The following PRKN variants were observed in gnomAD, a reference collection of about 807,000 sequenced individuals.
The protein encoded by PRKN is E3 ubiquitin-protein ligase parkin.
In PRKN, 56 loss-of-function variants were observed where a neutral mutation model predicts 59.5. That is an observed-to-expected ratio of 0.94 (90% CI 0.76 to 1.18). PRKN has a LOEUF of 1.18. Ranked by LOEUF, PRKN falls within the 50% of genes most tolerant of loss-of-function variation. PRKN has a pLI of 0.00. For missense variants in PRKN, 657 were observed against 596.4 expected, an observed-to-expected ratio of 1.10 and a Z score of -1.06; for synonymous variants, 250 against 222.1, an observed-to-expected ratio of 1.13 and a Z score of -1.12.
chr6:161,816,978 G>A (rs965463418), intron 6 of PRKN, among the ~76,000 whole-genome samples: 2 of 151,996 alleles, frequency 1.3e-5, no homozygotes, highest in Non-Finnish European at 2.9e-5. Context: ...CCTGGCTTTG[G>A]GCTTTCATTA....
chr6:161,568,898 C>T (rs758089636), intron 8 of PRKN, among the ~76,000 whole-genome samples: 10 of 151,820 alleles, frequency 6.6e-5, no homozygotes, highest in East Asian at 3.9e-4. Flanking sequence ...TTTGTATAGA[C>T]GTCACATGTT....
At chr6:162,183,392 C>A (rs550224069) in intron 4 of PRKN, among the ~76,000 whole-genome samples, 1 of 152,296 alleles carries the variant, frequency 6.6e-6, no homozygotes, top group Admixed American at 6.5e-5. Flanking sequence ...CTGCCATCAT[C>A]ATCTTCTGGT....
At chr6:161,681,718 C>T (rs1265863055) in intron 7 of PRKN, among the ~76,000 whole-genome samples, 1 of 152,198 alleles carries the variant, frequency 6.6e-6, no homozygotes, top group Admixed American at 6.5e-5. Context: ...CTGTGTCAGA[C>T]AGTGCATGGC....
At chr6:161,536,337 G>C (rs952210960) in intron 9 of PRKN, among the ~76,000 whole-genome samples, 4 of 152,002 alleles carry the variant, frequency 2.6e-5, no homozygotes, top group Non-Finnish European at 5.9e-5. Flanking sequence ...TAAGGGTCAA[G>C]GGATTAGCAA....
chr6:162,344,332 CTTTTA>C (rs57785031), intron 2 of PRKN, among the ~76,000 whole-genome samples: 42,867 of 151,856 alleles, frequency 0.28, 6,387 homozygotes, highest in Non-Finnish European at 0.31. Context: ...TTTTACCTTC[CTTTTA>C]TAAGTCAATT....
At chr6:161,365,261 G>T (rs1396660105) in intron 10 of PRKN, among the ~76,000 whole-genome samples, 3 of 152,182 alleles carry the variant, frequency 2.0e-5, no homozygotes, top group African/African-American at 7.2e-5. Flanking sequence ...AACCCGTGTG[G>T]ACAGATTATC....
chr6:162,725,700 C>T (rs561161073), intron 1 of PRKN, among the ~76,000 whole-genome samples: 1 of 150,986 alleles, frequency 6.6e-6, no homozygotes, highest in Non-Finnish European at 1.5e-5. Flanking sequence ...GAGTTGGAGG[C>T]TGCAGTGAGC....
intron 4 of PRKN, among the ~76,000 whole-genome samples, chr6:162,113,414 C>T (rs1780526857): frequency 6.6e-6 from 1 of 152,112 alleles, no homozygotes; most frequent in African/African-American, 2.4e-5. Context: ...TTTATTAGAA[C>T]TTATGCTATT....
rs539393808 is a variant in PRKN at position 161,545,080 on chromosome 6, C to T, written c.1083+3774G>A. The T allele has an allele frequency of 5.4e-5, 57 of 1,048,320 alleles. No homozygotes were observed. The highest frequency in any genetic ancestry group is 8.0e-4 in the Middle Eastern group (2 of 2,506). The allele number at this position is 1,048,320 out of a possible 1,614,324, so 64.9% of individuals were successfully genotyped here. ...AGCTCAACACATGGGTGTCTAGCTC[C>T]GAACAATTTTAAATCCCACAAATGA... On this transcript the variant is annotated intron_variant, in intron 9 of 11. Transcript: ENST00000366898. The surrounding 1 kb of genome is among the most constrained non-coding windows in gnomAD (Gnocchi z 4.1).
chr6:161,634,610 C>G (rs1783444603), intron 7 of PRKN, among the ~76,000 whole-genome samples: 1 of 152,154 alleles, frequency 6.6e-6, no homozygotes, highest in South Asian at 2.1e-4. Context: ...TGGGGATCAC[C>G]TGGACACGAG....
In PRKN at chr6:161,356,256, C is replaced by G. The variant is rs1045204814; in HGVS notation, c.1285+3832G>C. 6.6e-6 allele frequency among the ~76,000 whole-genome samples: 1 copy of G among 152,164 alleles called. No individual in the cohort carries two copies. The highest frequency in any genetic ancestry group is 6.5e-5 in the Admixed American group (1 of 15,280). On this transcript the variant is annotated intron_variant, in intron 11 of 11. Coordinates refer to ENST00000366898, the MANE Select transcript of PRKN (RefSeq NM_004562.3). The surrounding 1 kb of genome is among the most constrained non-coding windows in gnomAD (Gnocchi z 7.8). Reference sequence around the variant, plus strand: ...GGATGGTGTTGACAGTGCCCCCCAACAGGAGGGCAGGGGTCTTTGGCAGGG... The same window carrying G: ...GGATGGTGTTGACAGTGCCCCCCAAGAGGAGGGCAGGGGTCTTTGGCAGGG...
chr6:162,115,636 C>T (rs1304677520), intron 4 of PRKN, among the ~76,000 whole-genome samples: 4 of 151,314 alleles, frequency 2.6e-5, no homozygotes, highest in South Asian at 2.1e-4. Flanking sequence ...GGAAAGCAAG[C>T]GGTGTTTGTC....
chr6:162,280,684 G>C (rs138007829), intron 2 of PRKN, among the ~76,000 whole-genome samples: 1 of 151,330 alleles, frequency 6.6e-6, no homozygotes, highest in Non-Finnish European at 1.5e-5. Flanking sequence ...CCAGCTACTC[G>C]GGAGGCTGAG....
chr6:162,575,089 T>C (rs1275559802), intron 1 of PRKN, among the ~76,000 whole-genome samples: 3 of 152,212 alleles, frequency 2.0e-5, no homozygotes, highest in South Asian at 2.1e-4. Flanking sequence ...TTCTTGGTAA[T>C]GGCTACTAGG....
intron 6 of PRKN, among the ~76,000 whole-genome samples, chr6:161,792,571 C>T (rs1004231873): frequency 5.9e-5 from 9 of 152,192 alleles, no homozygotes; most frequent in Non-Finnish European, 1.2e-4. Flanking sequence ...AAAAATATTA[C>T]GTGCAAAATC....
At chr6:161,757,915 A>G (rs1468188698) in intron 7 of PRKN, among the ~76,000 whole-genome samples, 3 of 139,608 alleles carry the variant, frequency 2.1e-5, no homozygotes, top group African/African-American at 8.2e-5. Flanking sequence ...ACACACACAC[A>G]CACACATCTC....
Position 161,395,910 on chromosome 6 carries a change from C to T in PRKN, c.1084-9033G>A, listed in dbSNP as rs1048736282. On this transcript the variant is annotated intron_variant, in intron 9 of 11. Transcript: ENST00000366898. This position sits in a 1 kb window ranked among gnomAD's most constrained non-coding sequence, Gnocchi z 5.0. The stretch of plus-strand genomic sequence containing the variant: ...GGACTTGTAATGAATTTAAGCTCAG[C>T]GGCTTTAAACACAGACAGCCAACAA... 6.6e-6 allele frequency among the ~76,000 whole-genome samples: 1 copy of T among 152,146 alleles called. No individual in the cohort carries two copies. The highest frequency in any genetic ancestry group is 1.5e-5 in the Non-Finnish European group (1 of 68,016).
intron 7 of PRKN, among the ~76,000 whole-genome samples, chr6:161,777,669 G>A (rs1789985642): frequency 1.7e-5 from 2 of 116,984 alleles, no homozygotes; most frequent in South Asian, 6.2e-4. Context: ...TTATATATAT[G>A]AGAATATATA....
At chr6:161,668,837 A>G (rs989964428) in intron 7 of PRKN, among the ~76,000 whole-genome samples, 1 of 152,202 alleles carries the variant, frequency 6.6e-6, no homozygotes, top group African/African-American at 2.4e-5. Context: ...CCAGCTGTCT[A>G]TCTCACCCAC....
Sources: allele counts gnomAD v4.1 joint callset (sites outside exome capture counted in the v4.1 genomes callset), GRCh38; gene constraint gnomAD v4.1.1; non-coding constraint Gnocchi (gnomAD v3.1); transcripts MANE v1.5; gene names NCBI Gene and HGNC (gene_info 2026-07-23, HGNC 2026-07-21).